The following CALN1 variants were observed in gnomAD, a reference collection of about 807,000 sequenced individuals.
The protein encoded by CALN1 is calcium-binding protein 8.
CALN1 carries 17 observed loss-of-function variants against 30.6 expected under a neutral mutation model. The ratio of observed to expected loss-of-function variants is 0.56; its 90% confidence interval spans 0.38 to 0.83. The LOEUF (loss-of-function observed/expected upper bound fraction) is 0.83. Ranked by LOEUF, CALN1 falls within the 40% of genes least tolerant of loss-of-function variation. The pLI is 0.00. For synonymous variants in CALN1, 156 were observed against 131.4 expected (o/e 1.19, Z -1.28); for missense variants, 291 against 354.9 (o/e 0.82, Z 1.45).
intron 3 of CALN1, among the ~76,000 whole-genome samples, chr7:72,206,527 G>A (rs1791900874): frequency 6.6e-6 from 1 of 152,082 alleles, no homozygotes; most frequent in African/African-American, 2.4e-5. Context: ...ATCTTAGTCA[G>A]TGCCTTATCC....
intron 2 of CALN1, among the ~76,000 whole-genome samples, chr7:72,331,199 A>C (rs1801650202): frequency 6.6e-6 from 1 of 151,968 alleles, no homozygotes; most frequent in South Asian, 2.1e-4. Flanking sequence ...AAAATACAAA[A>C]ATTAGCCGGG....
At chr7:72,140,276 A>AAGAGAGAGAGAG (rs71069028) in intron 3 of CALN1, among the ~76,000 whole-genome samples, 37 of 119,952 alleles carry the variant, frequency 3.1e-4, no homozygotes, top group East Asian at 2.5e-3. Flanking sequence ...GTCTCAAAAT[A>AAGAGAGAGAGAG]AGAGAGAGAG....
chr7:71,927,877 C>T (rs1562908628), intron 5 of CALN1, among the ~76,000 whole-genome samples: 2 of 152,122 alleles, frequency 1.3e-5, no homozygotes, highest in Non-Finnish European at 2.9e-5. Context: ...GGGAGAGTTT[C>T]TTGCTCTTCC....
At chr7:71,968,571 C>T (rs1313675483) in intron 5 of CALN1, among the ~76,000 whole-genome samples, 7 of 152,186 alleles carry the variant, frequency 4.6e-5, no homozygotes, top group South Asian at 2.1e-4. Flanking sequence ...GCTGGGATTA[C>T]AGGTTTCACC....
intron 5 of CALN1, among the ~76,000 whole-genome samples, chr7:71,818,272 G>A (rs2116289814): frequency 6.6e-6 from 1 of 152,188 alleles, no homozygotes; most frequent in East Asian, 1.9e-4. Flanking sequence ...GACTTTGCCA[G>A]GTGAGTGAGG....
At chr7:72,330,439 G>T (rs918410281) in intron 2 of CALN1, among the ~76,000 whole-genome samples, 1 of 141,580 alleles carries the variant, frequency 7.1e-6, no homozygotes, top group African/African-American at 2.8e-5. Flanking sequence ...CTGCACTCCA[G>T]CCTGGGCAAC....
intron 5 of CALN1, among the ~76,000 whole-genome samples, chr7:71,966,147 A>G (rs1797519306): frequency 6.6e-6 from 1 of 152,234 alleles, no homozygotes; most frequent in African/African-American, 2.4e-5. Flanking sequence ...TGCTCCTTGT[A>G]GTTTCTATCC....
At chr7:72,469,892 C>T in the CALN1 span, among the ~76,000 whole-genome samples, 1 of 152,158 alleles carries the variant, frequency 6.6e-6, no homozygotes, top group African/African-American at 2.4e-5. Flanking sequence ...TAAGCAGCCT[C>T]CTAAATTTCA....
the CALN1 span, among the ~76,000 whole-genome samples, chr7:72,452,400 C>T: frequency 6.6e-6 from 1 of 152,006 alleles, no homozygotes; most frequent in Non-Finnish European, 1.5e-5. Flanking sequence ...TGGCTTGGCA[C>T]CCTCCTTGTG....
chr7:72,357,769 G>A (rs1403407268), intron 2 of CALN1, among the ~76,000 whole-genome samples: 2 of 150,184 alleles, frequency 1.3e-5, no homozygotes, highest in African/African-American at 4.9e-5. Context: ...ATGTTTATAG[G>A]AATTCTGAAG....
chr7:72,029,737 T>C (rs1049861699), intron 4 of CALN1, among the ~76,000 whole-genome samples: 8 of 152,214 alleles, frequency 5.3e-5, no homozygotes, highest in Non-Finnish European at 1.0e-4. Context: ...AGGATGGAGC[T>C]CTCAGAGAGG....
intron 2 of CALN1, among the ~76,000 whole-genome samples, chr7:72,309,417 C>G (rs914240265): frequency 1.3e-5 from 2 of 152,156 alleles, no homozygotes; most frequent in Non-Finnish European, 2.9e-5. Context: ...GGACCCCTCT[C>G]TTCTGATGGA....
chr7:72,111,475 T>C (rs762749927), intron 3 of CALN1, among the ~76,000 whole-genome samples: 104 of 152,190 alleles, frequency 6.8e-4, no homozygotes, highest in Non-Finnish European at 1.2e-3. Context: ...ATTTTTTTTT[T>C]CTGAGATAGT....
chr7:72,154,546 G>T (rs1787510768), intron 3 of CALN1, among the ~76,000 whole-genome samples: 1 of 152,112 alleles, frequency 6.6e-6, no homozygotes, highest in South Asian at 2.1e-4. Flanking sequence ...TATTTGCAAA[G>T]GGCACTGAAC....
At chr7:72,320,400 T>C (rs1304022152) in intron 2 of CALN1, among the ~76,000 whole-genome samples, 1 of 152,106 alleles carries the variant, frequency 6.6e-6, no homozygotes, top group Non-Finnish European at 1.5e-5. Context: ...GTGCACATGC[T>C]CCCGGAGTGG....
At chr7:72,459,439 G>A in the CALN1 span, among the ~76,000 whole-genome samples, 1 of 151,648 alleles carries the variant, frequency 6.6e-6, no homozygotes, top group Non-Finnish European at 1.5e-5. Flanking sequence ...AAATTTTCTA[G>A]AGTTGTTTCA....
intron 2 of CALN1, among the ~76,000 whole-genome samples, chr7:72,336,528 C>T (rs1245673023): frequency 1.3e-5 from 2 of 152,114 alleles, no homozygotes; most frequent in Non-Finnish European, 2.9e-5. Context: ...GGTGGGTGCC[C>T]CAGTGTCGGA....
intron 5 of CALN1, among the ~76,000 whole-genome samples, chr7:71,826,036 A>AG (rs1042198488): frequency 7.7e-6 from 1 of 129,470 alleles, no homozygotes; most frequent in Non-Finnish European, 1.5e-5. Context: ...CTGTCTCAAA[A>AG]AAAAAAAAAA....
intron 2 of CALN1, among the ~76,000 whole-genome samples, chr7:72,332,393 C>T (rs901142253): frequency 1.3e-5 from 2 of 151,680 alleles, no homozygotes; most frequent in African/African-American, 4.8e-5. Flanking sequence ...CTCGGTGTTG[C>T]CATGGCAACA....
Sources: gnomAD v4.1 joint callset for allele counts (sites outside exome capture counted in the v4.1 genomes callset) on GRCh38, gnomAD v4.1.1 for gene constraint, MANE v1.5 for transcripts, NCBI Gene and HGNC (gene_info 2026-07-23, HGNC 2026-07-21) for gene names.